Variants in GRK6 observed in about 807,000 individuals in gnomAD.
The protein encoded by GRK6 is G protein-coupled receptor kinase 6.
Under a neutral mutation model 80.8 loss-of-function variants are expected in GRK6, and 37 were observed. That is an observed-to-expected ratio of 0.46 (90% CI 0.35 to 0.60). GRK6 has a LOEUF of 0.60. GRK6 is among the 20% of genes least tolerant of loss of function. The pLI is 0.00. For missense variants in GRK6, 560 were observed against 784.6 expected (o/e 0.71, Z 3.42); for synonymous variants, 295 against 320.9 (o/e 0.92, Z 0.86).
Position 177,432,208 on chromosome 5 carries a change from A to G in GRK6, c.262-25A>G, listed in dbSNP as rs1293373780. 2.5e-6 allele frequency: 4 copies of G among 1,613,588 alleles called. No homozygotes were observed. In the Admixed American group the frequency reaches 6.7e-5, roughly 27 times the overall value. ...TGCTGCTTGCCCTGCCCAGACCTCC[A>G]GCTTCTTTGCTTTCCACCCTGCAGG... On this transcript the variant is annotated intron_variant, in intron 3 of 15. Transcript: ENST00000355472.
chr5:177,433,738 C>T, intron 8 of GRK6, 62 bp downstream of exon 8: 1 of 1,589,092 alleles, frequency 6.3e-7, no homozygotes, highest in South Asian at 1.1e-5. Flanking sequence ...CCGTCCCCAC[C>T]CCCCAGGCCC....
At chr5:177,438,126 G>A (rs1764253070) in intron 13 of GRK6, among the ~76,000 whole-genome samples, 1 of 152,186 alleles carries the variant, frequency 6.6e-6, no homozygotes, top group South Asian at 2.1e-4. Context: ...CCAGCACTTT[G>A]GGAGGCTGAG....
chr5:177,434,769 C>T (rs1160191002), intron 9 of GRK6, 133 bp from the exon 10 acceptor site: 13 of 927,002 alleles, frequency 1.4e-5, no homozygotes, highest in Non-Finnish European at 2.2e-5. Flanking sequence ...GGCTGTCTGT[C>T]GCCCTGGCAG....
rs1378853368 is a variant in GRK6 at position 177,441,760 on chromosome 5, C to A, written c.1701C>A (p.Asp567Glu). Residue 567 changes from aspartate to glutamate, a missense_variant, in exon 16 of 16, where the codon GAC becomes GAA. Physicochemically the swap from Asp to Glu is conservative, Grantham distance 45. This residue lies in a region of GRK6 where 294 missense variants were observed against 397.4 expected (regional missense o/e 0.74). Transcript: ENST00000355472. ...AGGATTGCTGTGGAAACTGCAGCGA[C>A]AGCGAGGAAGAGCTCCCCACCCGCC... Reference protein sequence around the residue: ...SRQDCCGNCSDSEEELPTRL With the variant: ...SRQDCCGNCSESEEELPTRL 2 of 1,612,718 alleles carry A rather than the reference C, an allele frequency of 1.2e-6. No individual in the cohort carries two copies. The highest frequency in any genetic ancestry group is 2.7e-5 in the African/African-American group (2 of 74,900).
At chr5:177,427,922 T>C (rs1158249429) in intron 1 of GRK6, among the ~76,000 whole-genome samples, 1 of 152,186 alleles carries the variant, frequency 6.6e-6, no homozygotes, top group Non-Finnish European at 1.5e-5. Flanking sequence ...AACCAGGGAT[T>C]AGCATCAGTC....
rs74501912 is a variant in GRK6 at position 177,437,842 on chromosome 5, C to T, written c.1404+1312C>T. On this transcript the variant is annotated intron_variant, in intron 13 of 15. Coordinates refer to ENST00000355472, the MANE Select transcript of GRK6 (RefSeq NM_001004106.3). ...AGGACTGGTCCTGTAATTAACGGTT[C>T]ACCAGGAACACTGGAGAGGCCCGAA... Among the ~76,000 whole-genome samples, 517 of 152,308 alleles carry T rather than the reference C, an allele frequency of 3.4e-3. 2 individuals carry two copies. The highest frequency in any genetic ancestry group is 0.012 in the African/African-American group (490 of 41,554).
At position 177,433,903 on chromosome 5, in the gene GRK6, C is replaced by G; in HGVS notation, c.739-11C>G. The G allele has an allele frequency of 6.4e-7, 1 of 1,550,550 alleles. No homozygotes were observed. Among genetic ancestry groups the G allele is most frequent in the South Asian group, 1.2e-5 (1 of 82,088 alleles). On this transcript the variant is annotated splice_polypyrimidine_tract_variant and intron_variant, in intron 8 of 15. Transcript: ENST00000355472. Reference sequence around the variant, plus strand: ...GCTCCTGCCTGAGGGCTCGGGTCCCCTCGGCCACAGGTGAGCTTGGCCTAC... The same window carrying G: ...GCTCCTGCCTGAGGGCTCGGGTCCCGTCGGCCACAGGTGAGCTTGGCCTAC...
chr5:177,433,805 G>A, intron 8 of GRK6, 109 bp from the exon 9 acceptor site: 1 of 1,507,488 alleles, frequency 6.6e-7, no homozygotes, highest in Non-Finnish European at 9.0e-7. Flanking sequence ...CACCAGGCTT[G>A]GGGAGCAGGC....
intron 4 of GRK6, 41 bp downstream of exon 4, chr5:177,432,351 G>C (rs1264930744): frequency 6.3e-7 from 1 of 1,584,176 alleles, no homozygotes; most frequent in Non-Finnish European, 8.7e-7. Context: ...AGCCACCAGA[G>C]CCCCGTGTCA....
chr5:177,433,007 G>C, intron 5 of GRK6, 140 bp from the exon 6 acceptor site: 1 of 804,924 alleles, frequency 1.2e-6, no homozygotes, highest in South Asian at 1.6e-5. Flanking sequence ...GTGTCTCCCC[G>C]CTCAGGGGTT....
Position 177,432,278 on chromosome 5 carries a change from C to T in GRK6, c.307C>T (p.Arg103Trp), listed in dbSNP as rs113773107. ...TPDDKRKACG[R>W]QLTQNFLSHT... ...GGATGACAAGCGGAAGGCATGTGGGCGGCAGCTAACGCAGAATTTTCTGAG... is the reference window on the plus strand; with the variant it reads ...GGATGACAAGCGGAAGGCATGTGGGTGGCAGCTAACGCAGAATTTTCTGAG... The change falls in exon 4 of 16, where the codon CGG (arginine) becomes TGG (tryptophan). Residue 103 changes from arginine (R) to tryptophan (W), a missense_variant. Transcript: ENST00000355472. 8.7e-6 allele frequency: 14 copies of T among 1,613,108 alleles called. No individual in the cohort carries two copies. Among genetic ancestry groups the T allele is most frequent in the African/African-American group, 2.7e-5 (2 of 75,016 alleles).
chr5:177,436,655 C>A, intron 13 of GRK6, 125 bp downstream of exon 13: 1 of 934,952 alleles, frequency 1.1e-6, no homozygotes, highest in African/African-American at 1.6e-5. Context: ...GGCTTAGCCA[C>A]AGAAATAAAG....
intron 9 of GRK6, 92 bp downstream of exon 9, chr5:177,434,196 G>T: frequency 8.0e-7 from 1 of 1,246,350 alleles, no homozygotes; most frequent in Non-Finnish European, 1.1e-6. Flanking sequence ...CTGCCGATCA[G>T]GCCAGACTAC....
chr5:177,433,090 C>G (rs1763985131), intron 5 of GRK6, 57 bp from the exon 6 acceptor site: 1 of 1,484,054 alleles, frequency 6.7e-7, no homozygotes, highest in Non-Finnish European at 9.4e-7. Context: ...CCCAGCAAGC[C>G]AAGAGCCTGA....
At position 177,426,837 on chromosome 5, in the gene GRK6, C is replaced by T; in HGVS notation, c.-9C>T. On this transcript the variant is annotated 5_prime_UTR_variant, in exon 1 of 16. Transcript: ENST00000355472. ...GCGCGGCCCGGCGGGCCAGGCGGCG[C>T]CACAGCCCATGGAGCTCGAGAACAT... is the stretch of plus-strand genomic sequence containing the variant. The T allele has an allele frequency of 7.9e-7, 1 of 1,266,516 alleles. No homozygotes were observed. The allele number at this position is 1,266,516 out of a possible 1,614,324, so 78.5% of individuals were successfully genotyped here.
In GRK6 at chr5:177,434,028, G is replaced by A; in HGVS notation, c.853G>A (p.Glu285Lys). ...IYHMGQAGFPEARAVFYAAEI... is the reference protein window; with the variant it reads ...IYHMGQAGFPKARAVFYAAEI... ...CCACATGGGCCAGGCTGGCTTCCCC[G>A]AAGCGCGGGCCGTCTTCTACGCCGC... is the stretch of plus-strand genomic sequence containing the variant. Residue 285 changes from glutamate (E) to lysine (K), a missense_variant, in exon 9 of 16, where the codon GAA becomes AAA. By Grantham distance (56) the Glu-to-Lys change is moderately conservative. This residue lies in a region of GRK6 where 77 missense variants were observed against 156.9 expected (regional missense o/e 0.49). Transcript: ENST00000355472. The A allele has an allele frequency of 2.5e-6, 4 of 1,612,206 alleles. No homozygotes were observed. The highest frequency in any genetic ancestry group is 3.4e-6 in the Non-Finnish European group (4 of 1,179,412).
chr5:177,433,248 C>T lies in GRK6; in HGVS notation c.533+9C>T. On this transcript the variant is annotated intron_variant, in intron 6 of 15. Coordinates refer to ENST00000355472, the MANE Select transcript of GRK6 (RefSeq NM_001004106.3). Reference sequence around the variant, plus strand: ...TGGAAGTGGCTGGAAAGGTGAGCTCCCTGAAGGCTGGGCCGGGACAGGCCA... The same window carrying T: ...TGGAAGTGGCTGGAAAGGTGAGCTCTCTGAAGGCTGGGCCGGGACAGGCCA... The T allele has an allele frequency of 1.2e-6, 2 of 1,614,068 alleles. No homozygotes were observed. Among genetic ancestry groups the T allele is most frequent in the Non-Finnish European group, 1.7e-6 (2 of 1,179,940 alleles).
chr5:177,434,807 C>A, intron 9 of GRK6, 95 bp from the exon 10 acceptor site: 1 of 1,411,194 alleles, frequency 7.1e-7, no homozygotes, highest in Non-Finnish European at 1.0e-6. Context: ...TTGCTCCACA[C>A]CTGGCCCCCG....
chr5:177,433,746 C>T, intron 8 of GRK6, 70 bp downstream of exon 8: 3 of 1,579,524 alleles, frequency 1.9e-6, no homozygotes, highest in Admixed American at 1.7e-5. Context: ...ACCCCCCAGG[C>T]CCCACCCTCC....
Sources: allele counts gnomAD v4.1 joint callset (sites outside exome capture counted in the v4.1 genomes callset), GRCh38; gene constraint gnomAD v4.1.1; regional missense constraint gnomAD v4.1.1; transcripts MANE v1.5; gene names NCBI Gene and HGNC (gene_info 2026-07-23, HGNC 2026-07-21).